Variants in CDH18 observed in about 807,000 individuals in gnomAD.
CDH18 encodes cadherin 18.
Under a neutral mutation model 67.9 loss-of-function variants are expected in CDH18, and 31 were observed. The ratio of observed to expected loss-of-function variants is 0.46; its 90% CI spans 0.34 to 0.62. The LOEUF (loss-of-function observed/expected upper bound fraction) is 0.62, where lower values mean the gene tolerates loss of function less well. CDH18 is among the 20% of genes least tolerant of loss of function. The probability of loss-of-function intolerance (pLI) is 0.01; values close to 1 mark genes in which losing one functional copy is unlikely to be tolerated. For missense variants in CDH18, 890 were observed against 975.5 expected (o/e 0.91, Z 1.17); for synonymous variants, 362 against 347.2 (o/e 1.04, Z -0.48).
In CDH18 at chr5:20,522,924, T is replaced by C. The variant is rs192396738; in HGVS notation, c.-580+52538A>G. ...CTGTGGAATATGATTTCTAAATCAA[T>C]AATGATTATTATGCAACCAATGAAT... On this transcript the variant is annotated intron_variant, in intron 1 of 14. Coordinates refer to the CDH18 transcript ENST00000507958. Among the ~76,000 whole-genome samples the C allele has an allele frequency of 1.4e-3, 207 of 152,336 alleles. 1 individual carries two copies. The highest frequency in any genetic ancestry group is 4.6e-3 in the African/African-American group (190 of 41,590).
intron 2 of CDH18, among the ~76,000 whole-genome samples, chr5:19,911,308 AT>A (rs1791117629): frequency 6.6e-6 from 1 of 152,044 alleles, no homozygotes; most frequent in Non-Finnish European, 1.5e-5. Flanking sequence ...AGAGGAGGGG[AT>A]TATGAGTCCA....
rs116568509 is a variant in CDH18, at chr5:19,725,404, C to T, written c.524-3938G>A. Among the ~76,000 whole-genome samples the T allele has an allele frequency of 2.8e-3, 425 of 152,228 alleles. 1 individual carries two copies. The highest frequency in any genetic ancestry group is 9.9e-3 in the African/African-American group (411 of 41,536). The stretch of plus-strand genomic sequence containing the variant: ...ATAAAACAAAGTCTGTTGTTAGGTA[C>T]CCAGATTAGACTTTAAATGTGCAGC... On this transcript the variant is annotated intron_variant, in intron 4 of 12. Transcript: ENST00000382275.
At chr5:19,672,857 C>T (rs1758939671) in intron 5 of CDH18, among the ~76,000 whole-genome samples, 1 of 151,960 alleles carries the variant, frequency 6.6e-6, no homozygotes, top group African/African-American at 2.4e-5. Flanking sequence ...TGTTTTCCAT[C>T]TCTTGGTCAG....
At chr5:20,317,435 C>T (rs907017116) in intron 1 of CDH18, among the ~76,000 whole-genome samples, 1 of 151,984 alleles carries the variant, frequency 6.6e-6, no homozygotes, top group African/African-American at 2.4e-5. Flanking sequence ...TATTTCTTTG[C>T]TCTGGCTTTT....
At position 20,334,339 on chromosome 5, in the gene CDH18, G is replaced by A. The variant is rs903252330; in HGVS notation, c.-579-78834C>T. ...TTTTTAGTAGAGACGGGGTTTCACC[G>A]TGTTAGCCAGGATGGTCTCGATCTC... On this transcript the variant is annotated intron_variant, in intron 1 of 14. Coordinates refer to the CDH18 transcript ENST00000507958. Among the ~76,000 whole-genome samples the A allele has an allele frequency of 1.1e-4, 16 of 150,702 alleles. No homozygotes were observed. In the East Asian group the frequency reaches 2.3e-3, roughly 22 times the overall value.
chr5:19,994,954 C>A (rs1203530041), intron 2 of CDH18, among the ~76,000 whole-genome samples: 1 of 149,396 alleles, frequency 6.7e-6, no homozygotes, highest in African/African-American at 2.5e-5. Flanking sequence ...CGCCTGCAAG[C>A]TGGAGGCCTA....
chr5:19,646,962 T>A (rs1456062811), intron 5 of CDH18, among the ~76,000 whole-genome samples: 1 of 152,138 alleles, frequency 6.6e-6, no homozygotes, highest in African/African-American at 2.4e-5. Context: ...AAAATGCTGT[T>A]AATTGGAAGG....
At chr5:20,259,525 C>G (rs1173281330) in intron 1 of CDH18, among the ~76,000 whole-genome samples, 1 of 152,150 alleles carries the variant, frequency 6.6e-6, no homozygotes, top group African/African-American at 2.4e-5. Context: ...TGACGATCTA[C>G]TTCCACTTCA....
At chr5:20,297,014 A>G (rs1747591549) in intron 1 of CDH18, among the ~76,000 whole-genome samples, 1 of 151,952 alleles carries the variant, frequency 6.6e-6, no homozygotes, top group South Asian at 2.1e-4. Flanking sequence ...ACTTCCATTT[A>G]TATCTACTTT....
chr5:19,629,356 G>T (rs762000708), intron 5 of CDH18, among the ~76,000 whole-genome samples: 1 of 152,118 alleles, frequency 6.6e-6, no homozygotes, highest in Non-Finnish European at 1.5e-5. Flanking sequence ...CTGATGGAAA[G>T]TTGAACACCT....
intron 2 of CDH18, among the ~76,000 whole-genome samples, chr5:20,047,247 C>T (rs1160857173): frequency 1.3e-5 from 2 of 151,636 alleles, no homozygotes; most frequent in African/African-American, 4.8e-5. Flanking sequence ...TGAATGCATG[C>T]AAGCTGGTAG....
At chr5:20,374,831 CTGAGA>C (rs1743282801) in intron 1 of CDH18, among the ~76,000 whole-genome samples, 1 of 151,970 alleles carries the variant, frequency 6.6e-6, no homozygotes, top group African/African-American at 2.4e-5. Context: ...ATGTGTTAAA[CTGAGA>C]TAAGAATCAA....
intron 2 of CDH18, among the ~76,000 whole-genome samples, chr5:20,119,760 T>C (rs961018002): frequency 8.5e-5 from 13 of 152,168 alleles, no homozygotes; most frequent in African/African-American, 3.1e-4. Flanking sequence ...AGGAAGCTCA[T>C]ATAACATAAG....
chr5:19,686,366 A>T (rs1521024), intron 5 of CDH18, among the ~76,000 whole-genome samples: 192 of 152,234 alleles, frequency 1.3e-3, no homozygotes, highest in Middle Eastern at 6.8e-3. Flanking sequence ...CAAAAACCTG[A>T]AGTTTTTATG....
chr5:20,451,423 C>T (rs114002665), intron 1 of CDH18, among the ~76,000 whole-genome samples: 1 of 152,178 alleles, frequency 6.6e-6, no homozygotes, highest in Non-Finnish European at 1.5e-5. Flanking sequence ...AAATACTGCA[C>T]TGATGAACAT....
chr5:19,615,841 C>T (rs1382924801), intron 5 of CDH18, among the ~76,000 whole-genome samples: 1 of 152,140 alleles, frequency 6.6e-6, no homozygotes, highest in South Asian at 2.1e-4. Flanking sequence ...AAGATTTCTT[C>T]ATGTCTTTTC....
chr5:19,675,648 C>T (rs1427465058), intron 5 of CDH18, among the ~76,000 whole-genome samples: 1 of 151,900 alleles, frequency 6.6e-6, no homozygotes, highest in East Asian at 1.9e-4. Flanking sequence ...TTCAAGGTGC[C>T]CAGATTTCAT....
intron 1 of CDH18, among the ~76,000 whole-genome samples, chr5:20,369,757 G>A (rs1742826935): frequency 6.6e-6 from 1 of 152,046 alleles, no homozygotes; most frequent in South Asian, 2.1e-4. Context: ...TAAACCACGT[G>A]GTCATCACTG....
chr5:19,967,908 T>C (rs1797617849), intron 2 of CDH18, among the ~76,000 whole-genome samples: 1 of 152,258 alleles, frequency 6.6e-6, no homozygotes, highest in African/African-American at 2.4e-5. Context: ...ATTGTCCCTG[T>C]CTGCAGATGA....
Sources: gnomAD v4.1 joint callset for allele counts (sites outside exome capture counted in the v4.1 genomes callset) on GRCh38, gnomAD v4.1.1 for gene constraint, MANE v1.5 for transcripts, NCBI Gene and HGNC (gene_info 2026-07-23, HGNC 2026-07-21) for gene names.